PHEX: variants seen among roughly 807,000 people sequenced by gnomAD.
The protein encoded by PHEX is phosphate regulating endopeptidase X-linked, also known as phosphate-regulating neutral endopeptidase PHEX.
A neutral mutation model predicts 68.0 loss-of-function variants in PHEX; 16 were observed. The observed-to-expected ratio is 0.24, with a 90% CI of 0.16 to 0.36. PHEX has a LOEUF of 0.36. Among genes scored for constraint, PHEX ranks in the 10% least tolerant of loss-of-function variants. The probability of loss-of-function intolerance (pLI) is 1.00; values close to 1 mark genes in which losing one functional copy is unlikely to be tolerated. For missense variants in PHEX, 480 were observed against 575.5 expected, an observed-to-expected ratio of 0.83 and a Z score of 1.70; for synonymous variants, 208 against 205.1, an observed-to-expected ratio of 1.01 and a Z score of -0.12.
At chrX:22,235,695 G>C (rs1178124385) in intron 20 of PHEX, among the ~76,000 whole-genome samples, 4 of 111,543 alleles carry the variant, frequency 3.6e-5, no homozygotes, top group African/African-American at 1.3e-4. Flanking sequence ...TTGGGGGATA[G>C]AAACATTTAG....
At chrX:22,176,980 A>G (rs1038907654) in intron 13 of PHEX, among the ~76,000 whole-genome samples, 1 of 111,177 alleles carries the variant, frequency 9.0e-6, no homozygotes, top group African/African-American at 3.3e-5. Flanking sequence ...AGCAGAACAC[A>G]GAGGGTGCCA....
At chrX:22,187,070 G>T (rs991309606) in intron 14 of PHEX, among the ~76,000 whole-genome samples, 16 of 112,055 alleles carry the variant, frequency 1.4e-4, no homozygotes, top group Non-Finnish European at 2.6e-4. Context: ...TATTGCTACT[G>T]TAACAAACTC....
intron 20 of PHEX, among the ~76,000 whole-genome samples, chrX:22,239,554 A>T (rs1602430774): frequency 9.0e-6 from 1 of 110,936 alleles, no homozygotes; most frequent in Admixed American, 9.7e-5. Flanking sequence ...AAATGACTTG[A>T]TGGAGCTGAA....
At chrX:22,103,448 C>G (rs2147051970) in intron 9 of PHEX, among the ~76,000 whole-genome samples, 1 of 110,983 alleles carries the variant, frequency 9.0e-6, no homozygotes, top group South Asian at 3.9e-4. Context: ...TCTTTTATTG[C>G]TTACCCCCTC....
intron 3 of PHEX, among the ~76,000 whole-genome samples, chrX:22,054,998 A>G (rs1022655241): frequency 4.7e-5 from 5 of 106,359 alleles, no homozygotes; most frequent in Non-Finnish European, 9.7e-5. Context: ...ACATGGTGAA[A>G]CCCCATCTCT....
intron 12 of PHEX, among the ~76,000 whole-genome samples, chrX:22,143,889 A>AT (rs1325685492): frequency 8.9e-6 from 1 of 112,270 alleles, no homozygotes; most frequent in Non-Finnish European, 1.9e-5. Flanking sequence ...CTGAAATACT[A>AT]TCCCCCAGCT....
chrX:22,041,316 T>C (rs1028376489), intron 2 of PHEX, among the ~76,000 whole-genome samples: 16 of 100,075 alleles, frequency 1.6e-4, no homozygotes, highest in African/African-American at 4.8e-4. Context: ...AACCAGGCTG[T>C]GTGTTGAGTG....
intron 13 of PHEX, among the ~76,000 whole-genome samples, chrX:22,169,398 G>A (rs761361607): frequency 3.6e-5 from 4 of 111,894 alleles, no homozygotes; most frequent in Non-Finnish European, 5.6e-5. Flanking sequence ...TATTATTATC[G>A]TAACTAAAAA....
intron 20 of PHEX, among the ~76,000 whole-genome samples, chrX:22,239,263 C>G (rs1267820925): frequency 9.0e-6 from 1 of 111,720 alleles, no homozygotes; most frequent in Non-Finnish European, 1.9e-5. Flanking sequence ...GTAGATAAAT[C>G]CACGAGGATG....
chrX:22,121,582 C>A (rs951873268), intron 11 of PHEX, among the ~76,000 whole-genome samples: 7 of 111,949 alleles, frequency 6.3e-5, no homozygotes, highest in Admixed American at 1.9e-4. Flanking sequence ...AAGCTAAAGT[C>A]ACTGATCTCC....
Position 22,245,392 on chromosome X carries a change from C to A in PHEX, c.2130C>A (p.His710Gln). ...GAGAACAAGTCCAAATTGGTGCTCACAGTCCCCCTCAGTTTAGGTAAATGG... is the reference window on the plus strand; with the variant it reads ...GAGAACAAGTCCAAATTGGTGCTCAAAGTCCCCCTCAGTTTAGGTAAATGG... ...AAREQVQIGA[H>Q]SPPQFRVNGA... The change falls in exon 21 of 22, where the codon CAC (histidine) becomes CAA (glutamine). Residue 710 changes from histidine (H) to glutamine (Q), a missense_variant. Transcript: ENST00000379374. The A allele has an allele frequency of 8.3e-7, 1 of 1,201,040 alleles. No homozygotes were observed. The highest frequency in any genetic ancestry group is 1.1e-6 in the Non-Finnish European group (1 of 886,053).
rs1486887805 is a variant in PHEX, at chrX:22,250,717, A to AGAT, written c.*2766_*2768dup. 1 of 112,506 alleles carries AGAT rather than the reference A, an allele frequency of 8.9e-6. No individual in the cohort carries two copies. The highest frequency in any genetic ancestry group is 1.9e-5 in the Non-Finnish European group (1 of 53,292). 9.3% of individuals were successfully genotyped at this position (112,506 alleles called of 1,213,427 possible). ...CCTGTTCTCATTTATTCATTTTATG[A>AGAT]GATGGACTTGGACATCACTAATGCA... On this transcript the variant is annotated 3_prime_UTR_variant, in exon 22 of 22. Coordinates refer to ENST00000379374, the MANE Select transcript of PHEX (RefSeq NM_000444.6).
At chrX:22,097,754 G>A in intron 8 of PHEX, 1 of 706,868 alleles carries the variant, frequency 1.4e-6, no homozygotes, top group Non-Finnish European at 1.7e-6. Context: ...ATGGAGGCAT[G>A]TTACTTTCTG....
chrX:22,124,348 G>A (rs754323760), intron 11 of PHEX, among the ~76,000 whole-genome samples: 101 of 112,323 alleles, frequency 9.0e-4, no homozygotes, highest in African/African-American at 3.1e-3. Context: ...CTGCCACGAC[G>A]ATGACACATT....
chrX:22,129,909 C>T (rs944232740), intron 11 of PHEX, among the ~76,000 whole-genome samples: 1 of 111,697 alleles, frequency 9.0e-6, no homozygotes, highest in East Asian at 2.8e-4. Flanking sequence ...ATTAATTTGT[C>T]CAGACTTGCT....
At chrX:22,084,418 A>C (rs1490863552) in intron 5 of PHEX, among the ~76,000 whole-genome samples, 1 of 111,019 alleles carries the variant, frequency 9.0e-6, no homozygotes, top group Non-Finnish European at 1.9e-5. Context: ...TAATTTTTGC[A>C]TCTATGTTCC....
At chrX:22,118,333 C>A (rs1602310433) in intron 11 of PHEX, among the ~76,000 whole-genome samples, 1 of 31,267 alleles carries the variant, frequency 3.2e-5, no homozygotes, top group Non-Finnish European at 5.0e-5. Context: ...TGTTTGTAAA[C>A]AGCACCAAAA....
chrX:22,240,959 T>G (rs1031928316), intron 20 of PHEX, among the ~76,000 whole-genome samples: 2 of 111,919 alleles, frequency 1.8e-5, no homozygotes, highest in Non-Finnish European at 3.8e-5. Context: ...CCAAATCAAA[T>G]CAACAGAATA....
intron 20 of PHEX, among the ~76,000 whole-genome samples, chrX:22,233,267 G>A (rs923981212): frequency 5.2e-4 from 58 of 111,025 alleles, no homozygotes; most frequent in African/African-American, 1.8e-3. Flanking sequence ...CAACCTTGGT[G>A]AATCTGACGA....
Sources: allele counts gnomAD v4.1 joint callset (sites outside exome capture counted in the v4.1 genomes callset), GRCh38; gene constraint gnomAD v4.1.1; transcripts MANE v1.5; gene names NCBI Gene and HGNC (gene_info 2026-07-23, HGNC 2026-07-21).